Variants in SUPT3H observed in about 807,000 individuals in gnomAD.
SUPT3H encodes the protein transcription initiation protein SPT3 homolog.
SUPT3H carries 44 observed loss-of-function variants against 44.3 expected under a neutral mutation model. The ratio of observed to expected loss-of-function variants is 0.99; its 90% CI spans 0.78 to 1.28. The LOEUF is 1.28. Ranked by LOEUF, SUPT3H falls within the 50% of genes most tolerant of loss-of-function variation. The probability of loss-of-function intolerance (pLI) is 0.00; values close to 1 mark genes in which losing one functional copy is unlikely to be tolerated. For missense variants in SUPT3H, 380 were observed against 387.1 expected, an observed-to-expected ratio of 0.98 and a Z score of 0.15; for synonymous variants, 124 against 125.6, an observed-to-expected ratio of 0.99 and a Z score of 0.09.
At chr6:45,038,484 T>A (rs1788019539) in intron 3 of SUPT3H, among the ~76,000 whole-genome samples, 1 of 152,182 alleles carries the variant, frequency 6.6e-6, no homozygotes, top group Non-Finnish European at 1.5e-5. Context: ...ACATCATTTG[T>A]CATAATAATC....
At chr6:45,139,129 G>A (rs926811707) in intron 2 of SUPT3H, among the ~76,000 whole-genome samples, 1 of 151,960 alleles carries the variant, frequency 6.6e-6, no homozygotes, top group African/African-American at 2.4e-5. Context: ...TCCTATGAAG[G>A]TCACTATTTT....
intron 2 of SUPT3H, among the ~76,000 whole-genome samples, chr6:45,202,296 A>AT (rs1398063131): frequency 6.6e-6 from 1 of 152,012 alleles, no homozygotes; most frequent in Non-Finnish European, 1.5e-5. Context: ...CGTTTACAAA[A>AT]TTATAAAATT....
intron 6 of SUPT3H, among the ~76,000 whole-genome samples, chr6:44,966,187 A>C (rs1044675139): frequency 3.3e-5 from 5 of 152,160 alleles, no homozygotes; most frequent in African/African-American, 1.2e-4. Flanking sequence ...TCTGATCCAT[A>C]CTAAAGTATA....
chr6:45,034,811 T>C (rs1053584939), intron 3 of SUPT3H, among the ~76,000 whole-genome samples: 2 of 152,198 alleles, frequency 1.3e-5, no homozygotes, highest in Admixed American at 1.3e-4. Context: ...TTTTAATAGA[T>C]ATTTTACAGA....
intron 2 of SUPT3H, among the ~76,000 whole-genome samples, chr6:45,285,523 A>C (rs1216135101): frequency 1.3e-5 from 2 of 152,114 alleles, no homozygotes; most frequent in Non-Finnish European, 2.9e-5. Flanking sequence ...ATACCTAGGA[A>C]TCCAACTTAC....
intron 3 of SUPT3H, among the ~76,000 whole-genome samples, chr6:45,094,701 T>C (rs957137922): frequency 2.0e-5 from 3 of 152,114 alleles, no homozygotes; most frequent in Admixed American, 2.0e-4. Flanking sequence ...AAAAGACAAT[T>C]GTATTTATTG....
intron 2 of SUPT3H, among the ~76,000 whole-genome samples, chr6:45,283,401 C>T (rs1384697478): frequency 2.0e-5 from 3 of 151,836 alleles, no homozygotes; most frequent in African/African-American, 7.3e-5. Context: ...ATCTACCAAG[C>T]AAATGGAAAA....
At chr6:45,107,360 G>A (rs1430198042) in intron 2 of SUPT3H, among the ~76,000 whole-genome samples, 2 of 152,110 alleles carry the variant, frequency 1.3e-5, no homozygotes, top group East Asian at 3.9e-4. Context: ...AGAATGTGGG[G>A]ACAAGAAAGG....
chr6:45,258,068 G>A (rs1025566177), intron 2 of SUPT3H, among the ~76,000 whole-genome samples: 1 of 152,108 alleles, frequency 6.6e-6, no homozygotes, highest in Non-Finnish European at 1.5e-5. Flanking sequence ...CATCGTTCTT[G>A]AATAATTGTT....
intron 2 of SUPT3H, chr6:45,328,491 T>C (rs1255230934): frequency 2.6e-6 from 4 of 1,512,618 alleles, no homozygotes; most frequent in Non-Finnish European, 2.7e-6. Context: ...GTCTATGCAG[T>C]AATAGTAGGT....
At chr6:44,825,159 T>C (rs1373823166), downstream of SUPT3H, among the ~76,000 whole-genome samples, 1 of 152,238 alleles carries the variant, frequency 6.6e-6, no homozygotes, top group East Asian at 1.9e-4. Context: ...AGGAATTTTT[T>C]CCCATAATTT....
At chr6:45,017,978 G>A (rs1784552285) in intron 4 of SUPT3H, among the ~76,000 whole-genome samples, 1 of 151,424 alleles carries the variant, frequency 6.6e-6, no homozygotes. Flanking sequence ...CTACCCATGA[G>A]CATGGAATGT....
intron 2 of SUPT3H, among the ~76,000 whole-genome samples, chr6:45,296,168 T>C (rs931752448): frequency 4.9e-4 from 63 of 128,738 alleles, no homozygotes; most frequent in African/African-American, 1.7e-3. Flanking sequence ...TATACATACA[T>C]ATATACATAC....
At chr6:45,279,563 T>C (rs1777601774) in intron 2 of SUPT3H, among the ~76,000 whole-genome samples, 1 of 152,172 alleles carries the variant, frequency 6.6e-6, no homozygotes, top group Admixed American at 6.5e-5. Flanking sequence ...CTGCTCCTGC[T>C]ATGTGAGATG....
At chr6:45,154,512 T>C (rs966770076) in intron 2 of SUPT3H, among the ~76,000 whole-genome samples, 4 of 152,278 alleles carry the variant, frequency 2.6e-5, no homozygotes, top group Middle Eastern at 3.4e-3. Flanking sequence ...CATGCTCACA[T>C]AGACTTTTCA....
chr6:45,174,419 T>C (rs546086319), intron 2 of SUPT3H, among the ~76,000 whole-genome samples: 1 of 152,326 alleles, frequency 6.6e-6, no homozygotes, highest in Admixed American at 6.5e-5. Context: ...AAGTATATTA[T>C]TATAAAAGAT....
At chr6:45,016,944 G>T (rs12201487) in intron 4 of SUPT3H, among the ~76,000 whole-genome samples, 82 of 150,560 alleles carry the variant, frequency 5.4e-4, no homozygotes, top group Non-Finnish European at 1.1e-3. Context: ...GGTTGAACTA[G>T]TTTACAGTCC....
intron 6 of SUPT3H, among the ~76,000 whole-genome samples, chr6:44,992,491 C>A (rs1289344675): frequency 6.6e-6 from 1 of 152,070 alleles, no homozygotes; most frequent in Non-Finnish European, 1.5e-5. Context: ...AAATAGCAAT[C>A]ATTATTCCAA....
intron 2 of SUPT3H, among the ~76,000 whole-genome samples, chr6:45,322,592 A>T (rs1002397305): frequency 6.6e-6 from 1 of 152,106 alleles, no homozygotes; most frequent in Non-Finnish European, 1.5e-5. Flanking sequence ...ATTGTTAATT[A>T]TGCTAGAACT....
Sources: allele counts gnomAD v4.1 joint callset (sites outside exome capture counted in the v4.1 genomes callset), GRCh38; gene constraint gnomAD v4.1.1; transcripts MANE v1.5; gene names NCBI Gene and HGNC (gene_info 2026-07-23, HGNC 2026-07-21).